Variants in ZMYM5 observed in about 807,000 individuals in gnomAD.
ZMYM5 encodes zinc finger MYM-type containing 5, also known as zinc finger MYM-type protein 5.
ZMYM5 carries 41 observed loss-of-function variants against 61.8 expected under a neutral mutation model. The observed-to-expected ratio is 0.66, with a 90% confidence interval of 0.52 to 0.86. The LOEUF is 0.86. ZMYM5 is among the 40% of genes least tolerant of loss of function. The pLI is 0.00. For synonymous variants in ZMYM5, 257 were observed against 276.4 expected, an observed-to-expected ratio of 0.93 and a Z score of 0.70; for missense variants, 706 against 786.7, an observed-to-expected ratio of 0.90 and a Z score of 1.23.
Position 19,825,022 on chromosome 13 carries a change from G to T in ZMYM5, c.1465C>A (p.Pro489Thr), listed in dbSNP as rs1208974044. ...GCTATGGTTGACGTGGAAGAAGGAG[G>T]TAAATTCACATTCTCTTGGATCAGT... ...TLLIQENVNL[P>T]PSSTSTIADT... The change falls in exon 8 of 8, where the codon CCT (proline) becomes ACT (threonine). Residue 489 changes from proline to threonine, a missense_variant. Pro to Thr is a conservative substitution (Grantham distance 38). Around this residue, in one of 2 missense-constraint regions of ZMYM5, gnomAD observed 226 missense variants for 325.0 expected, o/e 0.70. Transcript: ENST00000337963. 7.3e-7 allele frequency: 1 copy of T among 1,367,602 alleles called. No individual in the cohort carries two copies. The highest frequency in any genetic ancestry group is 1.5e-5 in the African/African-American group (1 of 67,852). 84.7% of individuals were successfully genotyped at this position (1,367,602 alleles called of 1,614,324 possible).
At chr13:19,854,730 C>A (rs557093798) in intron 2 of ZMYM5, among the ~76,000 whole-genome samples, 2 of 151,256 alleles carry the variant, frequency 1.3e-5, no homozygotes, top group East Asian at 3.9e-4. Context: ...TATATTAACT[C>A]AGTTAATGAT....
At position 19,856,005 on chromosome 13, in the gene ZMYM5, G is replaced by A. The variant is rs367622608; in HGVS notation, c.-10-3815C>T. Among the ~76,000 whole-genome samples the A allele has an allele frequency of 1.3e-3, 200 of 151,064 alleles. 1 individual carries two copies. The highest frequency in any genetic ancestry group is 4.4e-3 in the African/African-American group (182 of 41,180). On this transcript the variant is annotated intron_variant, in intron 2 of 7. Transcript: ENST00000337963. Reference sequence around the variant, plus strand: ...CACACTCCAGCCTGGGAGACAGAGCGAGATTCCATCTCAAAAACAAAAAAA... The same window carrying A: ...CACACTCCAGCCTGGGAGACAGAGCAAGATTCCATCTCAAAAACAAAAAAA...
At chr13:19,836,646 A>G (rs1479577535) in intron 6 of ZMYM5, among the ~76,000 whole-genome samples, 1 of 152,154 alleles carries the variant, frequency 6.6e-6, no homozygotes, top group African/African-American at 2.4e-5. Context: ...AGTAAAGTTC[A>G]CTGCCCTAGA....
intron 4 of ZMYM5, among the ~76,000 whole-genome samples, chr13:19,849,966 G>C (rs1460836417): frequency 1.3e-4 from 19 of 150,634 alleles, no homozygotes; most frequent in South Asian, 2.1e-4. Context: ...GGGTGACAGA[G>C]ACTCTGTCTC....
chr13:19,833,938 G>A (rs11147485), intron 7 of ZMYM5, among the ~76,000 whole-genome samples: 14,977 of 152,170 alleles, frequency 0.098, 877 homozygotes, highest in African/African-American at 0.16. Context: ...CCAGGAGTTC[G>A]AGACCAGCCT....
At chr13:19,826,869 T>C (rs2138476653) in intron 7 of ZMYM5, among the ~76,000 whole-genome samples, 2 of 151,292 alleles carry the variant, frequency 1.3e-5, no homozygotes, top group South Asian at 4.2e-4. Context: ...CCATCACAGA[T>C]GAAAGAATAG....
chr13:19,861,313 TAATTTTTGTATTTTTTGTAG>T (rs1953752433), intron 2 of ZMYM5, among the ~76,000 whole-genome samples: 1 of 152,108 alleles, frequency 6.6e-6, no homozygotes, highest in Admixed American at 6.6e-5. Context: ...CATGCTCAGC[TAATTTTTGTATTTTTTGTAG>T]AGAAAGAGTT....
In ZMYM5 at chr13:19,837,812, AG is replaced by A. The variant is rs748173295; in HGVS notation, c.881del (p.Ser294LeufsTer11). The A allele has an allele frequency of 6.3e-7, 1 of 1,588,360 alleles. No homozygotes were observed. The highest frequency in any genetic ancestry group is 8.5e-7 in the Non-Finnish European group (1 of 1,174,572). On this transcript the variant is annotated frameshift_variant, in exon 6 of 8. Transcript: ENST00000337963. LOFTEE classifies it high-confidence loss of function. The part of the protein sequence containing the change: ...TRSIICKKDA[S>X]TKKANVILPV... ...GAAGAATGACATTAGCCTTCTTTGT[AG>A]ATGCATCTCTGAAACAGAAGGGATA...
intron 7 of ZMYM5, among the ~76,000 whole-genome samples, chr13:19,831,153 G>T (rs1162739225): frequency 1.3e-5 from 2 of 148,704 alleles, no homozygotes; most frequent in Non-Finnish European, 3.0e-5. Flanking sequence ...TTGAGACAAG[G>T]TCTTGCTCTG....
chr13:19,835,692 A>G lies in ZMYM5; in HGVS notation c.1039-3T>C, dbSNP rs759943322. 2.8e-5 allele frequency: 38 copies of G among 1,366,752 alleles called. No individual in the cohort carries two copies. The highest frequency in any genetic ancestry group is 3.7e-5 in the Non-Finnish European group (38 of 1,021,456). 84.7% of individuals were successfully genotyped at this position (1,366,752 alleles called of 1,614,324 possible). A position where few individuals can be genotyped will look rare whatever the true frequency, so the allele number is the denominator to read the frequency against. On this transcript the variant is annotated splice_region_variant and splice_polypyrimidine_tract_variant and intron_variant, in intron 6 of 7. Coordinates refer to ENST00000337963, the MANE Select transcript of ZMYM5 (RefSeq NM_001142684.2). ...TTTACGCTGACTTCATGGCGAATCT[A>G]AAAGAAAAACCAGAATTCATTAACT... is the stretch of plus-strand genomic sequence containing the variant.
intron 2 of ZMYM5, among the ~76,000 whole-genome samples, chr13:19,854,429 A>G (rs1384358587): frequency 6.6e-6 from 1 of 152,152 alleles, no homozygotes; most frequent in Admixed American, 6.5e-5. Flanking sequence ...GTTTGAGATC[A>G]GCCTGGTCAA....
intron 7 of ZMYM5, among the ~76,000 whole-genome samples, chr13:19,831,128 ATTT>A (rs34690985): frequency 4.4e-5 from 6 of 136,294 alleles, no homozygotes; most frequent in Admixed American, 7.5e-5. Context: ...CACCCAGCCT[ATTT>A]TTTTTTTTTT....
intron 2 of ZMYM5, among the ~76,000 whole-genome samples, chr13:19,857,480 T>C (rs1413828067): frequency 6.6e-6 from 1 of 152,190 alleles, no homozygotes. Context: ...GATATAAAGG[T>C]GTACCATGAC....
chr13:19,828,300 C>G (rs540771702), intron 7 of ZMYM5, among the ~76,000 whole-genome samples: 27 of 152,126 alleles, frequency 1.8e-4, no homozygotes, highest in African/African-American at 6.5e-4. Context: ...ATGGTGAAAC[C>G]CTGTTTCTAC....
chr13:19,830,802 C>T (rs901718664), intron 7 of ZMYM5, among the ~76,000 whole-genome samples: 9 of 151,168 alleles, frequency 6.0e-5, no homozygotes, highest in African/African-American at 1.7e-4. Context: ...TGAGACACCT[C>T]GCCCGGCCTT....
intron 2 of ZMYM5, among the ~76,000 whole-genome samples, chr13:19,858,719 G>C (rs1953604817): frequency 6.6e-6 from 1 of 151,608 alleles, no homozygotes; most frequent in South Asian, 2.1e-4. Flanking sequence ...GATTTTATAA[G>C]CCAAAGAACA....
rs1355959926 is a variant in ZMYM5, at chr13:19,824,369, T to C, written c.*108A>G. ...TTATTGCTAAGGAACTGCTGCAAGT[T>C]ACTCTGTAGAGGAGACTTACAACAC... On this transcript the variant is annotated 3_prime_UTR_variant, in exon 8 of 8. Coordinates refer to ENST00000337963, the MANE Select transcript of ZMYM5 (RefSeq NM_001142684.2). The C allele has an allele frequency of 8.4e-6, 8 of 952,238 alleles. No homozygotes were observed. The highest frequency in any genetic ancestry group is 1.0e-5 in the Non-Finnish European group (8 of 767,988). 59.0% of individuals were successfully genotyped at this position (952,238 alleles called of 1,614,324 possible).
Position 19,847,765 on chromosome 13 carries a change from T to C in ZMYM5, c.586+3590A>G, listed in dbSNP as rs1286415393. On this transcript the variant is annotated intron_variant, in intron 4 of 7. Transcript: ENST00000337963. ...CATTCTCCTGCCTCAGCCTCCCGAG[T>C]AGCTGGGACTACAGGCACCTGCCAC... Among the ~76,000 whole-genome samples the C allele has an allele frequency of 6.2e-5, 9 of 145,604 alleles. No homozygotes were observed. In the East Asian group the frequency reaches 1.8e-3, roughly 30 times the overall value.
intron 4 of ZMYM5, among the ~76,000 whole-genome samples, chr13:19,843,064 C>T (rs965480664): frequency 5.3e-5 from 8 of 151,204 alleles, no homozygotes; most frequent in African/African-American, 1.9e-4. Flanking sequence ...AATCCTCCTG[C>T]ATCGGCCTCC....
Sources: allele counts gnomAD v4.1 joint callset (sites outside exome capture counted in the v4.1 genomes callset), GRCh38; gene constraint gnomAD v4.1.1; regional missense constraint gnomAD v4.1.1; transcripts MANE v1.5; gene names NCBI Gene and HGNC (gene_info 2026-07-23, HGNC 2026-07-21).